OSTN: variants seen among roughly 807,000 people sequenced by gnomAD.
The protein encoded by OSTN is osteocrin.
Under a neutral mutation model 12.0 loss-of-function variants are expected in OSTN, and 9 were observed. That is an observed-to-expected ratio of 0.75 (90% CI 0.45 to 1.30). The LOEUF (loss-of-function observed/expected upper bound fraction) is 1.30, where lower values mean the gene tolerates loss of function less well. Among genes scored for constraint, OSTN ranks in the 50% most tolerant of loss-of-function variants. OSTN has a pLI of 0.00. For synonymous variants in OSTN, 59 were observed against 56.9 expected, an observed-to-expected ratio of 1.04 and a Z score of -0.16; for missense variants, 148 against 152.3, an observed-to-expected ratio of 0.97 and a Z score of 0.15.
chr3:191,246,368 G>A (rs1262047346), intron 3 of OSTN, among the ~76,000 whole-genome samples: 1 of 152,064 alleles, frequency 6.6e-6, no homozygotes, highest in Non-Finnish European at 1.5e-5. Flanking sequence ...AACTTTGGGA[G>A]GCCAAGGTGG....
intron 1 of OSTN, among the ~76,000 whole-genome samples, chr3:191,203,131 T>C (rs745473794): frequency 3.0e-4 from 46 of 152,318 alleles, no homozygotes; most frequent in Admixed American, 2.0e-3. Context: ...TAATCTCTTA[T>C]CTTCCCTCTA....
chr3:191,241,463 C>T (rs1424851432), intron 3 of OSTN, among the ~76,000 whole-genome samples: 2 of 151,872 alleles, frequency 1.3e-5, no homozygotes, highest in African/African-American at 4.8e-5. Context: ...GGATTACAGG[C>T]GTGAGCCAAC....
intron 3 of OSTN, among the ~76,000 whole-genome samples, chr3:191,223,455 A>C (rs900255592): frequency 2.4e-4 from 37 of 152,374 alleles, no homozygotes; most frequent in African/African-American, 8.7e-4. Flanking sequence ...GTTATAGTAC[A>C]CGGTTTGAAA....
chr3:191,217,780 T>C (rs1714655315), intron 2 of OSTN, among the ~76,000 whole-genome samples: 1 of 152,176 alleles, frequency 6.6e-6, no homozygotes, highest in South Asian at 2.1e-4. Flanking sequence ...ATCACAGGGA[T>C]AGAGATGGTG....
chr3:191,222,776 G>A (rs945476301), intron 3 of OSTN, among the ~76,000 whole-genome samples: 2 of 152,038 alleles, frequency 1.3e-5, no homozygotes, highest in African/African-American at 4.8e-5. Context: ...CTCGTGTTAT[G>A]GGAAGGACCA....
At chr3:191,260,768 A>G (rs1216818993) in intron 4 of OSTN, among the ~76,000 whole-genome samples, 1 of 152,194 alleles carries the variant, frequency 6.6e-6, no homozygotes, top group Non-Finnish European at 1.5e-5. Flanking sequence ...CAAGCTCTCC[A>G]GGACATAAAA....
At chr3:191,256,837 A>G (rs1266804356) in intron 4 of OSTN, among the ~76,000 whole-genome samples, 1 of 152,094 alleles carries the variant, frequency 6.6e-6, no homozygotes, top group Non-Finnish European at 1.5e-5. Context: ...AATTTCTTCA[A>G]TTTAAAACAA....
intron 3 of OSTN, among the ~76,000 whole-genome samples, chr3:191,221,823 G>C (rs1471483598): frequency 6.6e-6 from 1 of 152,208 alleles, no homozygotes; most frequent in East Asian, 1.9e-4. Context: ...AATATCTCCA[G>C]GGCATGTCAG....
chr3:191,262,498 A>G (rs1715834958), intron 4 of OSTN, among the ~76,000 whole-genome samples: 1 of 152,214 alleles, frequency 6.6e-6, no homozygotes, highest in Admixed American at 6.5e-5. Context: ...AGTAGTATTC[A>G]GGTTTTCTTT....
chr3:191,202,687 A>C (rs1465259848), intron 1 of OSTN, among the ~76,000 whole-genome samples: 1 of 152,164 alleles, frequency 6.6e-6, no homozygotes, highest in Non-Finnish European at 1.5e-5. Context: ...ATTTAACTTA[A>C]TTTATCCAAT....
chr3:191,215,177 C>T (rs947729541), intron 2 of OSTN, among the ~76,000 whole-genome samples: 7 of 152,078 alleles, frequency 4.6e-5, no homozygotes, highest in African/African-American at 9.7e-5. Flanking sequence ...GGGAAGGAGA[C>T]TGAATTACCA....
rs562434351 is a variant in OSTN at position 191,254,223 on chromosome 3, C to T, written c.*12+4090C>T. 1.1e-4 allele frequency among the ~76,000 whole-genome samples: 16 copies of T among 152,280 alleles called. 1 individual carries two copies. The highest frequency in any genetic ancestry group is 3.8e-4 in the African/African-American group (16 of 41,560). ...GAAATAGAAAAAAACAAGGGTTAAA[C>T]AGAGGTTAAAAACTGTCTAGAGCAG... On this transcript the variant is annotated intron_variant, in intron 4 of 4. Transcript: ENST00000682035.
At chr3:191,253,313 T>C (rs1377861132) in intron 4 of OSTN, among the ~76,000 whole-genome samples, 1 of 152,200 alleles carries the variant, frequency 6.6e-6, no homozygotes, top group African/African-American at 2.4e-5. Flanking sequence ...TTATGGAAGT[T>C]TTGCTTCATT....
intron 4 of OSTN, among the ~76,000 whole-genome samples, chr3:191,255,174 G>A (rs1361034496): frequency 1.3e-5 from 2 of 152,074 alleles, no homozygotes; most frequent in African/African-American, 4.8e-5. Flanking sequence ...TGCATGAACA[G>A]TTCACAATAG....
intron 3 of OSTN, among the ~76,000 whole-genome samples, chr3:191,245,637 T>C (rs956839058): frequency 6.6e-6 from 1 of 152,196 alleles, no homozygotes; most frequent in Non-Finnish European, 1.5e-5. Context: ...TCTTATTTGA[T>C]TGAGCAGGGA....
At chr3:191,243,209 C>T (rs981632279) in intron 3 of OSTN, among the ~76,000 whole-genome samples, 4 of 152,064 alleles carry the variant, frequency 2.6e-5, no homozygotes, top group Admixed American at 1.3e-4. Flanking sequence ...CTCTTGAGTT[C>T]GTAAATTTGT....
chr3:191,238,992 GT>G (rs1424271652), intron 3 of OSTN, among the ~76,000 whole-genome samples: 1 of 152,196 alleles, frequency 6.6e-6, no homozygotes, highest in Admixed American at 6.5e-5. Context: ...AGTTTTAAAA[GT>G]TTCATTCGCT....
intron 3 of OSTN, among the ~76,000 whole-genome samples, chr3:191,224,133 T>C (rs1714845093): frequency 6.6e-6 from 1 of 152,014 alleles, no homozygotes; most frequent in African/African-American, 2.4e-5. Flanking sequence ...ATCCCAGCAC[T>C]TTGGGATGCT....
chr3:191,204,045 G>A (rs909430998), intron 1 of OSTN, among the ~76,000 whole-genome samples: 3 of 152,194 alleles, frequency 2.0e-5, no homozygotes, highest in Non-Finnish European at 2.9e-5. Context: ...CTGCCGCCAC[G>A]CCTGGCTAAT....
Sources: allele counts gnomAD v4.1 joint callset (sites outside exome capture counted in the v4.1 genomes callset), GRCh38; gene constraint gnomAD v4.1.1; transcripts MANE v1.5; gene names NCBI Gene and HGNC (gene_info 2026-07-23, HGNC 2026-07-21).